The following KIF1A variants were observed in gnomAD, a reference collection of about 807,000 sequenced individuals.
The protein encoded by KIF1A is kinesin-like protein KIF1A.
Under a neutral mutation model 227.3 loss-of-function variants are expected in KIF1A, and 46 were observed. The ratio of observed to expected loss-of-function variants is 0.20; its 90% confidence interval spans 0.16 to 0.26. KIF1A has a LOEUF of 0.26. Ranked by LOEUF, KIF1A falls within the 10% of genes least tolerant of loss-of-function variation. KIF1A has a pLI of 1.00. For synonymous variants in KIF1A, 1,022 were observed against 1,012.8 expected (o/e 1.01, Z -0.17); for missense variants, 1,683 against 2,485.9 (o/e 0.68, Z 6.87).
chr2:240,796,400 C>CGGGCCCCGGCAAGGCCA (rs1559537801), intron 2 of KIF1A, among the ~76,000 whole-genome samples: 1 of 152,196 alleles, frequency 6.6e-6, no homozygotes, highest in Non-Finnish European at 1.5e-5. Context: ...TGTTCATCCA[C>CGGGCCCCGGCAAGGCCA]GGGCCCCGGC....
intron 37 of KIF1A, among the ~76,000 whole-genome samples, chr2:240,738,646 G>A (rs979939066): frequency 6.6e-6 from 1 of 152,206 alleles, no homozygotes; most frequent in African/African-American, 2.4e-5. Flanking sequence ...GGAGCATTGG[G>A]GTTCATACCA....
chr2:240,754,803 A>C (rs1211772378), intron 27 of KIF1A, among the ~76,000 whole-genome samples: 1 of 151,950 alleles, frequency 6.6e-6, no homozygotes, highest in Non-Finnish European at 1.5e-5. Context: ...CCATGCTACA[A>C]ATACCAAGAC....
intron 10 of KIF1A, 128 bp downstream of exon 10, chr2:240,782,462 C>G: frequency 9.3e-7 from 1 of 1,078,924 alleles, no homozygotes; most frequent in Non-Finnish European, 1.3e-6. Flanking sequence ...TCCCGGGATC[C>G]ACCCCCACGT....
At position 240,757,645 on chromosome 2, in the gene KIF1A, G is replaced by A; in HGVS notation, c.2583-51C>T. On this transcript the variant is annotated intron_variant, in intron 26 of 48. Transcript: ENST00000498729. The surrounding 1 kb of genome is among the most constrained non-coding windows in gnomAD (Gnocchi z 6.2). The stretch of plus-strand genomic sequence containing the variant: ...AGAAGTTAACACCAGCGACTCGCAG[G>A]GACGAACAGGGGCCGGGGCCGGGGC... 6.5e-7 allele frequency: 1 copy of A among 1,534,396 alleles called. No individual in the cohort carries two copies. The highest frequency in any genetic ancestry group is 2.5e-5 in the East Asian group (1 of 40,578).
At chr2:240,746,329 TA>T (rs1346126904) in intron 29 of KIF1A, among the ~76,000 whole-genome samples, 152 bp from the exon 30 acceptor site, 1 of 152,086 alleles carries the variant, frequency 6.6e-6, no homozygotes, top group Non-Finnish European at 1.5e-5. Flanking sequence ...GCCTGCCTTG[TA>T]GGGGGGCATC....
At position 240,717,098 on chromosome 2, in the gene KIF1A, G is replaced by A. The variant is rs1051255489; in HGVS notation, c.*266C>T. 5 of 460,902 alleles carry A rather than the reference G, an allele frequency of 1.1e-5. No homozygotes were observed. The highest frequency in any genetic ancestry group is 3.7e-5 in the Admixed American group (1 of 27,000). The allele number at this position is 460,902 out of a possible 1,614,324, so 28.6% of individuals were successfully genotyped here. A position where few individuals can be genotyped will look rare whatever the true frequency, so the allele number is the denominator to read the frequency against. On this transcript the variant is annotated 3_prime_UTR_variant, in exon 49 of 49. Coordinates refer to ENST00000498729, the MANE Select transcript of KIF1A (RefSeq NM_001244008.2). ...TATTAGAACGGCAGCAAGAACCCCC[G>A]TAACCTGTGCCCTTGGCCCCCCCAG... is the stretch of plus-strand genomic sequence containing the variant.
At chr2:240,755,554 T>G (rs1410479943) in intron 27 of KIF1A, among the ~76,000 whole-genome samples, 1 of 152,192 alleles carries the variant, frequency 6.6e-6, no homozygotes, top group Non-Finnish European at 1.5e-5. Flanking sequence ...AGCTGCTGCA[T>G]GGGAGAAGCC....
Position 240,728,363 on chromosome 2 carries a change from G to A in KIF1A, c.4008-1423C>T, listed in dbSNP as rs140542657. 4.5e-4 allele frequency: 578 copies of A among 1,289,090 alleles called. 9 individuals carry two copies. The East Asian group carries it at 0.025, about 55-fold the overall frequency. 79.9% of individuals were successfully genotyped at this position (1,289,090 alleles called of 1,614,324 possible). ...GAGCAGAAGAGGACAGACCAAGCAAGGGCGGAAGAGAAAAGTGAGCTGTAC... is the reference window on the plus strand; with the variant it reads ...GAGCAGAAGAGGACAGACCAAGCAAAGGCGGAAGAGAAAAGTGAGCTGTAC... On this transcript the variant is annotated intron_variant, in intron 38 of 48. Coordinates refer to ENST00000498729, the MANE Select transcript of KIF1A (RefSeq NM_001244008.2).
chr2:240,756,900 C>T (rs1021402947), intron 27 of KIF1A, among the ~76,000 whole-genome samples: 3 of 152,196 alleles, frequency 2.0e-5, no homozygotes, highest in Admixed American at 6.5e-5. Context: ...TGCTTGGGGG[C>T]GGCTGGCCCT....
intron 27 of KIF1A, among the ~76,000 whole-genome samples, chr2:240,754,892 G>A (rs1454518409): frequency 6.6e-6 from 1 of 152,124 alleles, no homozygotes; most frequent in Non-Finnish European, 1.5e-5. Context: ...AGGGCACAGA[G>A]CTGACCCAGA....
rs535941353 is a variant in KIF1A at position 240,736,396 on chromosome 2, C to T, written c.4007+667G>A. ...CTGGGACGCAGTGGAGCCCGCGGGA[C>T]GTCCCCACCCACCAGGGCTGCCCCT... On this transcript the variant is annotated intron_variant, in intron 38 of 48. Coordinates refer to ENST00000498729, the MANE Select transcript of KIF1A (RefSeq NM_001244008.2). This position sits in a 1 kb window ranked among gnomAD's most constrained non-coding sequence, Gnocchi z 4.7. Among the ~76,000 whole-genome samples the T allele has an allele frequency of 3.1e-4, 47 of 152,024 alleles. No individual in the cohort carries two copies. The South Asian group carries it at 6.0e-3, about 19-fold the overall frequency.
rs932602729 is a variant in KIF1A at position 240,810,430 on chromosome 2, G to A, written c.-61+9692C>T. On this transcript the variant is annotated intron_variant, in intron 1 of 48. Coordinates refer to ENST00000498729, the MANE Select transcript of KIF1A (RefSeq NM_001244008.2). ...CATTTAAAAGTAGGGCACACCAAAC[G>A]CTGTCAGAAGGAGGCCACAGGAGCT... 3.3e-5 allele frequency among the ~76,000 whole-genome samples: 5 copies of A among 152,164 alleles called. No homozygotes were observed. The East Asian group carries it at 7.7e-4, about 23-fold the overall frequency.
chr2:240,792,517 A>C lies in KIF1A; in HGVS notation c.107-3205T>G, dbSNP rs1189991386. 6.6e-6 allele frequency among the ~76,000 whole-genome samples: 1 copy of C among 151,190 alleles called. No individual in the cohort carries two copies. The highest frequency in any genetic ancestry group is 1.5e-5 in the Non-Finnish European group (1 of 67,674). On this transcript the variant is annotated intron_variant, in intron 2 of 48. Coordinates refer to ENST00000498729, the MANE Select transcript of KIF1A (RefSeq NM_001244008.2). The surrounding 1 kb of genome is among the most constrained non-coding windows in gnomAD (Gnocchi z 4.5). ...GACTGGACACCGAGACGACAGAGAC[A>C]GCGGGGGGAGGGTTGGGGTGAGGAG... is the stretch of plus-strand genomic sequence containing the variant.
At chr2:240,807,106 G>A (rs796758466) in intron 1 of KIF1A, among the ~76,000 whole-genome samples, 12 of 97,552 alleles carry the variant, frequency 1.2e-4, no homozygotes, top group East Asian at 5.6e-4. Flanking sequence ...GTGTGTGTGT[G>A]TGTGTGTGTG....
chr2:240,727,936 C>T (rs1285057118), intron 38 of KIF1A, among the ~76,000 whole-genome samples: 2 of 152,190 alleles, frequency 1.3e-5, no homozygotes, highest in African/African-American at 4.8e-5. Flanking sequence ...TGCCTGACTC[C>T]AGAATGTGGC....
chr2:240,788,034 C>CCCCCCCCCCCT lies in KIF1A; in HGVS notation c.363+16_363+17insAGGGGGGGGGG. 6.9e-7 allele frequency: 1 copy of CCCCCCCCCCCT among 1,449,062 alleles called. No homozygotes were observed. 89.8% of individuals were successfully genotyped at this position (1,449,062 alleles called of 1,614,324 possible). The stretch of plus-strand genomic sequence containing the variant: ...CCCATCTGCCAGGGCTGCCCCCGCC[C>CCCCCCCCCCCT]GCCCCCCGCTTCGTGCCTGTGGGAT... On this transcript the variant is annotated intron_variant, in intron 4 of 48. Transcript: ENST00000498729. The surrounding 1 kb of genome is among the most constrained non-coding windows in gnomAD (Gnocchi z 6.6).
chr2:240,737,369 G>A (rs1200805149), intron 37 of KIF1A: 21 of 511,270 alleles, frequency 4.1e-5, no homozygotes, highest in Middle Eastern at 5.4e-4. Flanking sequence ...GCTGCTCCAC[G>A]GTCTTTCTTG....
At chr2:240,794,049 C>A (rs986142316) in intron 2 of KIF1A, among the ~76,000 whole-genome samples, 3 of 152,306 alleles carry the variant, frequency 2.0e-5, no homozygotes, top group Admixed American at 6.5e-5. Flanking sequence ...GACATCCACC[C>A]GCACCCTCTC....
Position 240,775,641 on chromosome 2 carries a change from C to T in KIF1A, c.958+210G>A, listed in dbSNP as rs2052628056. Among the ~76,000 whole-genome samples the T allele has an allele frequency of 1.3e-5, 2 of 152,218 alleles. No individual in the cohort carries two copies. The highest frequency in any genetic ancestry group is 2.9e-5 in the Non-Finnish European group (2 of 68,048). Reference sequence around the variant, plus strand: ...CCACCCCCTGGGCTGTCCTGGTTCCCACACTCGCTTCGTTAACCCACTGCT... The same window carrying T: ...CCACCCCCTGGGCTGTCCTGGTTCCTACACTCGCTTCGTTAACCCACTGCT... On this transcript the variant is annotated intron_variant, in intron 11 of 48. Transcript: ENST00000498729. The surrounding 1 kb of genome is among the most constrained non-coding windows in gnomAD (Gnocchi z 5.5).
Sources: gnomAD v4.1 joint callset for allele counts (sites outside exome capture counted in the v4.1 genomes callset) on GRCh38, gnomAD v4.1.1 for gene constraint, Gnocchi (gnomAD v3.1) non-coding constraint, MANE v1.5 for transcripts, NCBI Gene and HGNC (gene_info 2026-07-23, HGNC 2026-07-21) for gene names.